Variants in LONP2 observed in about 807,000 individuals in gnomAD.
LONP2 encodes lon peptidase 2, peroxisomal, also known as lon protease homolog 2, peroxisomal.
Under a neutral mutation model 85.6 loss-of-function variants are expected in LONP2, and 60 were observed. The ratio of observed to expected loss-of-function variants is 0.70; its 90% CI spans 0.57 to 0.87. LONP2 has a LOEUF of 0.87. Among genes scored for constraint, LONP2 ranks in the 40% least tolerant of loss-of-function variants. The pLI is 0.00. For synonymous variants in LONP2, 395 were observed against 389.7 expected (o/e 1.01, Z -0.16); for missense variants, 860 against 1,063.5 (o/e 0.81, Z 2.66).
At chr16:48,272,658 ATTTGT>A (rs1346788906) in intron 7 of LONP2, among the ~76,000 whole-genome samples, 1 of 152,068 alleles carries the variant, frequency 6.6e-6, no homozygotes, top group African/African-American at 2.4e-5. Context: ...AAGTATAAGG[ATTTGT>A]TTTGTGAATC....
intron 3 of LONP2, among the ~76,000 whole-genome samples, chr16:48,257,614 A>AT (rs541414433): frequency 6.6e-6 from 1 of 152,354 alleles, no homozygotes; most frequent in South Asian, 2.1e-4. Flanking sequence ...TTTTTAAGAT[A>AT]TTTTTAAAGC....
intron 9 of LONP2, among the ~76,000 whole-genome samples, chr16:48,296,563 A>G (rs903503243): frequency 1.3e-5 from 2 of 152,006 alleles, no homozygotes; most frequent in Non-Finnish European, 2.9e-5. Context: ...CACCATCTCA[A>G]TAAAAATACA....
intron 11 of LONP2, among the ~76,000 whole-genome samples, chr16:48,329,565 CATG>C (rs1959370165): frequency 6.6e-6 from 1 of 152,088 alleles, no homozygotes; most frequent in African/African-American, 2.4e-5. Context: ...ATAAATTAAA[CATG>C]ATCATAAGTA....
intron 3 of LONP2, 91 bp from the exon 4 acceptor site, chr16:48,258,527 A>G (rs763244865): frequency 2.3e-5 from 31 of 1,336,746 alleles, no homozygotes; most frequent in Non-Finnish European, 3.0e-5. Flanking sequence ...ATTTTTTTTT[A>G]ACTTGGCAAT....
intron 12 of LONP2, among the ~76,000 whole-genome samples, chr16:48,335,986 T>G (rs1959635490): frequency 6.6e-6 from 1 of 152,212 alleles, no homozygotes; most frequent in Admixed American, 6.5e-5. Context: ...TCTGGGAGGA[T>G]CCAGTGACAT....
chr16:48,244,326 C>T lies in LONP2; in HGVS notation c.-63C>T, dbSNP rs1971203129. The T allele has an allele frequency of 1.6e-6, 2 of 1,257,812 alleles. No individual in the cohort carries two copies. Among genetic ancestry groups the T allele is most frequent in the African/African-American group, 1.6e-5 (1 of 64,150 alleles). 77.9% of individuals were successfully genotyped at this position (1,257,812 alleles called of 1,614,324 possible). The stretch of plus-strand genomic sequence containing the variant: ...GGTCTGAGGTTTGGTGACTGCGGGG[C>T]AGGCCGGGGGCAGCTGTCTGTCTGG... On this transcript the variant is annotated 5_prime_UTR_variant, in exon 1 of 15. Transcript: ENST00000285737.
At chr16:48,350,575 AAAG>A (rs1960112307) in intron 14 of LONP2, among the ~76,000 whole-genome samples, 2 of 152,320 alleles carry the variant, frequency 1.3e-5, no homozygotes, top group Non-Finnish European at 1.5e-5. Flanking sequence ...CAAAACCTTG[AAAG>A]AAGATGCCAG....
intron 11 of LONP2, among the ~76,000 whole-genome samples, chr16:48,321,698 A>G (rs913076805): frequency 1.6e-4 from 25 of 152,206 alleles, no homozygotes; most frequent in African/African-American, 5.5e-4. Context: ...ACTGTAGGCA[A>G]TTATAACAGA....
At chr16:48,250,365 C>G (rs1971608457) in intron 1 of LONP2, among the ~76,000 whole-genome samples, 1 of 151,948 alleles carries the variant, frequency 6.6e-6, no homozygotes, top group Admixed American at 6.6e-5. Context: ...GCCTGTAGTC[C>G]CAGCTACTTG....
In LONP2 at chr16:48,306,018, G is replaced by A. The variant is rs75939513; in HGVS notation, c.1795+2713G>A. 4.8e-4 allele frequency among the ~76,000 whole-genome samples: 73 copies of A among 151,938 alleles called. 1 individual carries two copies. The East Asian group carries it at 0.014, about 28-fold the overall frequency. ...CACTTGTGTAGATGACAGTGACAGT[G>A]GAGAACTGAAGTCTATAAAAGTTAA... On this transcript the variant is annotated intron_variant, in intron 11 of 14. Coordinates refer to ENST00000285737, the MANE Select transcript of LONP2 (RefSeq NM_031490.5).
chr16:48,322,916 C>T (rs548981447), intron 11 of LONP2, among the ~76,000 whole-genome samples: 6 of 152,122 alleles, frequency 3.9e-5, no homozygotes, highest in East Asian at 1.9e-4. Context: ...ATTGCCCTAA[C>T]GGGGCTACAA....
rs1200800320 is a variant in LONP2, at chr16:48,256,594, T to C, written c.469-16T>C. 3 of 1,607,038 alleles carry C rather than the reference T, an allele frequency of 1.9e-6. No individual in the cohort carries two copies. The highest frequency in any genetic ancestry group is 2.2e-5 in the East Asian group (1 of 44,792). On this transcript the variant is annotated splice_polypyrimidine_tract_variant and intron_variant, in intron 2 of 14. Transcript: ENST00000285737. ...ATGCCAGATTTCATTTAAAAGACTT[T>C]TTTTCCCCCTTCTAGTTGGTTGAAA...
Position 48,334,305 on chromosome 16 carries a change from A to G in LONP2, c.1885A>G (p.Ile629Val). 6.2e-7 allele frequency: 1 copy of G among 1,614,116 alleles called. No individual in the cohort carries two copies. Among genetic ancestry groups the G allele is most frequent in the Non-Finnish European group, 8.5e-7 (1 of 1,180,026 alleles). The part of the protein sequence containing the change: ...LALPPEMPIL[I>V]DFHALKDILG... Reference sequence around the variant, plus strand: ...TCTACCACCTGAAATGCCGATTTTGATTGATTTCCATGCTCTGAAAGACAT... The same window carrying G: ...TCTACCACCTGAAATGCCGATTTTGGTTGATTTCCATGCTCTGAAAGACAT... Residue 629 changes from isoleucine (I) to valine (V), a missense_variant, in exon 12 of 15, where the codon ATT (isoleucine) becomes GTT (valine). This residue lies in a region of LONP2 where 743 missense variants were observed against 917.3 expected (regional missense o/e 0.81). Coordinates refer to ENST00000285737, the MANE Select transcript of LONP2 (RefSeq NM_031490.5).
chr16:48,350,506 C>G (rs1960110206), intron 14 of LONP2, among the ~76,000 whole-genome samples: 1 of 152,204 alleles, frequency 6.6e-6, no homozygotes, highest in Non-Finnish European at 1.5e-5. Context: ...TGCAAGGAAT[C>G]AGTTCATCTT....
intron 8 of LONP2, among the ~76,000 whole-genome samples, chr16:48,295,421 TGTA>T (rs1449197867): frequency 3.3e-5 from 5 of 152,222 alleles, no homozygotes; most frequent in Admixed American, 2.0e-4. Context: ...AGCAATGTTT[TGTA>T]GTAAGCCATT....
At chr16:48,315,008 G>T (rs1331299062) in intron 11 of LONP2, among the ~76,000 whole-genome samples, 4 of 151,956 alleles carry the variant, frequency 2.6e-5, no homozygotes, top group Admixed American at 2.0e-4. Flanking sequence ...CTAATATGTT[G>T]TCTAGGACCT....
chr16:48,352,028 A>G lies in LONP2; in HGVS notation c.*226A>G, dbSNP rs888809614. On this transcript the variant is annotated 3_prime_UTR_variant, in exon 15 of 15. Transcript: ENST00000285737. Reference sequence around the variant, plus strand: ...TTCTTGTCTTTTTAGTGGGATCCTTACTGTCCCTGGAAAGATATAGCATAG... The same window carrying G: ...TTCTTGTCTTTTTAGTGGGATCCTTGCTGTCCCTGGAAAGATATAGCATAG... The G allele has an allele frequency of 8.8e-5, 49 of 554,456 alleles. No individual in the cohort carries two copies. In the South Asian group the frequency reaches 1.1e-3, roughly 12 times the overall value. The allele number at this position is 554,456 out of a possible 1,614,324, so 34.3% of individuals were successfully genotyped here. A position where few individuals can be genotyped will look rare whatever the true frequency, so the allele number is the denominator to read the frequency against.
intron 10 of LONP2, among the ~76,000 whole-genome samples, chr16:48,302,264 G>A (rs1972823274): frequency 6.6e-6 from 1 of 152,140 alleles, no homozygotes; most frequent in Admixed American, 6.5e-5. Flanking sequence ...GCATAATATA[G>A]GCTTTATATC....
chr16:48,280,315 C>T (rs1567320799), intron 8 of LONP2, among the ~76,000 whole-genome samples: 1 of 152,040 alleles, frequency 6.6e-6, no homozygotes, highest in Non-Finnish European at 1.5e-5. Flanking sequence ...TAGAGTATTC[C>T]CCTGACACTT....
Sources: allele counts gnomAD v4.1 joint callset (sites outside exome capture counted in the v4.1 genomes callset), GRCh38; gene constraint gnomAD v4.1.1; regional missense constraint gnomAD v4.1.1; transcripts MANE v1.5; gene names NCBI Gene and HGNC (gene_info 2026-07-23, HGNC 2026-07-21).